Variants in STYXL2 observed in about 807,000 individuals in gnomAD.
The protein encoded by STYXL2 is serine/threonine/tyrosine interacting like 2.
STYXL2 carries 44 observed loss-of-function variants against 52.4 expected under a neutral mutation model. That is an observed-to-expected ratio of 0.84 (90% CI 0.66 to 1.08). The LOEUF is 1.08. STYXL2 is among the 50% of genes least tolerant of loss of function. The pLI, the probability that STYXL2 is intolerant of heterozygous loss-of-function variation, is 0.00. For synonymous variants in STYXL2, 604 were observed against 586.9 expected, an observed-to-expected ratio of 1.03 and a Z score of -0.42; for missense variants, 1,604 against 1,471.7, an observed-to-expected ratio of 1.09 and a Z score of -1.47.
chr1:167,111,505 TATATATATACACAC>T (rs1350703935), intron 2 of STYXL2, among the ~76,000 whole-genome samples: 19 of 49,524 alleles, frequency 3.8e-4, no homozygotes, highest in South Asian at 5.5e-4. Flanking sequence ...TATATATATA[TATATATATACACAC>T]ACACACACAC....
intron 5 of STYXL2, among the ~76,000 whole-genome samples, chr1:167,121,364 G>A (rs1389698232): frequency 1.3e-5 from 2 of 152,228 alleles, no homozygotes; most frequent in African/African-American, 4.8e-5. Flanking sequence ...GGATTGAATG[G>A]GTCTGTCGGT....
At chr1:167,121,425 CA>C (rs769392895) in intron 5 of STYXL2, among the ~76,000 whole-genome samples, 86 of 152,376 alleles carry the variant, frequency 5.6e-4, no homozygotes, top group Non-Finnish European at 1.1e-3. Context: ...TCCTGGAGCG[CA>C]CCGGCAGACC....
At chr1:167,107,040 A>G (rs1667518641) in intron 2 of STYXL2, among the ~76,000 whole-genome samples, 1 of 152,134 alleles carries the variant, frequency 6.6e-6, no homozygotes, top group Non-Finnish European at 1.5e-5. Flanking sequence ...TTTCTGTTTC[A>G]TATGGCATCA....
intron 5 of STYXL2, among the ~76,000 whole-genome samples, chr1:167,120,881 T>G (rs377130415): frequency 0.015 from 1,608 of 109,534 alleles, 86 homozygotes; most frequent in Non-Finnish European, 0.025. Context: ...TATATATATA[T>G]ATATACAGAG....
At position 167,094,863 on chromosome 1, in the gene STYXL2, A is replaced by C. The variant is rs1399063010; in HGVS notation, c.14A>C (p.Lys5Thr). 1.9e-6 allele frequency: 3 copies of C among 1,613,182 alleles called. No individual in the cohort carries two copies. In the Admixed American group the frequency reaches 5.0e-5, roughly 27 times the overall value. Reference protein sequence around the residue: MATRKDTEEEQVVPS... With the variant: MATRTDTEEEQVVPS... ...TGGCAGGTTGTCATGGCGACCAGAA[A>C]GGACACAGAGGAGGAGCAGGTAGTC... Residue 5 changes from lysine to threonine, a missense_variant, in exon 2 of 6, where the codon AAG becomes ACG. Coordinates refer to ENST00000361200, the MANE Select transcript of STYXL2 (RefSeq NM_001080426.3).
chr1:167,126,517 C>T lies in STYXL2; in HGVS notation c.1386C>T (p.His462=), dbSNP rs1318279497. 7 of 1,612,666 alleles carry T rather than the reference C, an allele frequency of 4.3e-6. No individual in the cohort carries two copies. The highest frequency in any genetic ancestry group is 4.2e-6 in the Non-Finnish European group (5 of 1,179,572). ...KQQLELNRPD[H]GRRRRADSMS... Reference sequence around the variant, plus strand: ...AGCTGGAGCTGAACCGCCCGGACCACGGCAGGAGGCGCCGCGCAGACTCGA... The same window carrying T: ...AGCTGGAGCTGAACCGCCCGGACCATGGCAGGAGGCGCCGCGCAGACTCGA... Residue 462 remains histidine (H), a synonymous_variant, in exon 6 of 6, where the codon CAC becomes CAT. Transcript: ENST00000361200.
intron 2 of STYXL2, among the ~76,000 whole-genome samples, chr1:167,109,095 G>T (rs773551450): frequency 3.9e-5 from 6 of 152,182 alleles, no homozygotes; most frequent in African/African-American, 9.7e-5. Flanking sequence ...ATTGGGGAAG[G>T]ACCACAGGGA....
intron 2 of STYXL2, among the ~76,000 whole-genome samples, chr1:167,096,175 T>C (rs1253147661): frequency 1.3e-5 from 2 of 152,090 alleles, no homozygotes; most frequent in African/African-American, 2.4e-5. Context: ...GGAGAATCAC[T>C]TGAACCCGGG....
chr1:167,126,249 G>A lies in STYXL2; in HGVS notation c.1118G>A (p.Arg373His). The A allele has an allele frequency of 1.3e-6, 2 of 1,543,792 alleles. No individual in the cohort carries two copies. Among genetic ancestry groups the A allele is most frequent in the Admixed American group, 2.1e-5 (1 of 47,368 alleles). The change falls in exon 6 of 6, where the codon CGC becomes CAC. Residue 373 changes from arginine (R) to histidine (H), a missense_variant. Transcript: ENST00000361200. ...GTCCCCCAGGATGGAGGTGGCTGGC[G>A]CTCAGCCTCCTCTGGCCAGGGTGGG... ...DKVPQDGGGW[R>H]SASSGQGGEE...
rs1349500857 is a variant in STYXL2, at chr1:167,111,495, TATATATATATATATATATACAC to T, written c.111-2213_111-2192del. 3.0e-3 allele frequency among the ~76,000 whole-genome samples: 149 copies of T among 49,476 alleles called. 3 individuals are homozygous for T. Among genetic ancestry groups the T allele is most frequent in the East Asian group, 0.013 (5 of 382 alleles). 32.5% of individuals were successfully genotyped at this position (49,476 alleles called of 152,430 possible). On this transcript the variant is annotated intron_variant, in intron 2 of 5. Transcript: ENST00000361200. ...ATATATATATATATATATATATATA[TATATATATATATATATATACAC>T]ACACACACACACAAATATATATATA...
intron 2 of STYXL2, 133 bp downstream of exon 2, chr1:167,095,092 T>C (rs1243684269): frequency 1.7e-5 from 11 of 646,866 alleles, no homozygotes; most frequent in Non-Finnish European, 2.7e-5. Flanking sequence ...TGAGTACTTG[T>C]ATGTGTCCTA....
rs267748 is a variant in STYXL2, at chr1:167,128,894, G to A, written c.*286G>A. 302,152 of 388,420 alleles carry A rather than the reference G, an allele frequency of 0.78. 119,597 individuals carry two copies. The highest frequency in any genetic ancestry group is 0.94 in the East Asian group (17,624 of 18,794). 24.1% of individuals were successfully genotyped at this position (388,420 alleles called of 1,614,324 possible). A position where few individuals can be genotyped will look rare whatever the true frequency, so the allele number is the denominator to read the frequency against. ...TTTGGTGTTTCACTTAATGTATTTGGCAGTGTTCATCACAGGCTAGAGAGG... is the reference window on the plus strand; with the variant it reads ...TTTGGTGTTTCACTTAATGTATTTGACAGTGTTCATCACAGGCTAGAGAGG... On this transcript the variant is annotated 3_prime_UTR_variant, in exon 6 of 6. Transcript: ENST00000361200.
chr1:167,121,917 G>A (rs1431085888), intron 5 of STYXL2, among the ~76,000 whole-genome samples: 2 of 152,332 alleles, frequency 1.3e-5, no homozygotes, highest in East Asian at 3.9e-4. Context: ...CTCCACTACA[G>A]AGAGTTCGTG....
Position 167,128,797 on chromosome 1 carries a change from C to A in STYXL2, c.*189C>A. On this transcript the variant is annotated 3_prime_UTR_variant, in exon 6 of 6. Coordinates refer to ENST00000361200, the MANE Select transcript of STYXL2 (RefSeq NM_001080426.3). Reference sequence around the variant, plus strand: ...AGGGAGGAGGCAAGGAGGGGGAGAACCATCAATACGAATACGAGGTCCGAA... The same window carrying A: ...AGGGAGGAGGCAAGGAGGGGGAGAAACATCAATACGAATACGAGGTCCGAA... 1 of 898,718 alleles carries A rather than the reference C, an allele frequency of 1.1e-6. No individual in the cohort carries two copies. Among genetic ancestry groups the A allele is most frequent in the Non-Finnish European group, 1.6e-6 (1 of 621,166 alleles). 55.7% of individuals were successfully genotyped at this position (898,718 alleles called of 1,614,324 possible).
Position 167,127,476 on chromosome 1 carries a change from G to A in STYXL2, c.2345G>A (p.Cys782Tyr). ...CACAGCAGCTCCTCCTTGGGTGGCT[G>A]CCTGTTGCCTCAGAGCCAGGCAAGA... is the stretch of plus-strand genomic sequence containing the variant. Reference protein sequence around the residue: ...SGHSSSSLGGCLLPQSQARPS... With the variant: ...SGHSSSSLGGYLLPQSQARPS... The change falls in exon 6 of 6, where the codon TGC becomes TAC. Residue 782 changes from cysteine (C) to tyrosine (Y), a missense_variant. Transcript: ENST00000361200. The A allele has an allele frequency of 1.2e-6, 2 of 1,614,076 alleles. No homozygotes were observed. Among genetic ancestry groups the A allele is most frequent in the South Asian group, 1.1e-5 (1 of 91,078 alleles).
rs1668021828 is a variant in STYXL2, at chr1:167,128,332, C to G, written c.3201C>G (p.Asp1067Glu). The G allele has an allele frequency of 1.9e-6, 3 of 1,613,920 alleles. No individual in the cohort carries two copies. The highest frequency in any genetic ancestry group is 2.5e-6 in the Non-Finnish European group (3 of 1,179,978). The stretch of plus-strand genomic sequence containing the variant: ...GCCCAAATTGGGCCAGGTCCAGGGA[C>G]TGGGAAGATGTGGAAGAGTCATCCA... Reference protein sequence around the residue: ...PQRPNWARSRDWEDVEESSKS... With the variant: ...PQRPNWARSREWEDVEESSKS... Residue 1067 changes from aspartate to glutamate, a missense_variant, in exon 6 of 6, where the codon GAC becomes GAG. Transcript: ENST00000361200.
chr1:167,119,375 T>G lies in STYXL2; in HGVS notation c.564T>G (p.Gly188=). The G allele has an allele frequency of 6.2e-7, 1 of 1,614,092 alleles. No homozygotes were observed. The part of the protein sequence containing the change: ...FYTGLEIQYL[G]VEVDDFPEVD... ...CTGGCCTGGAGATCCAGTACCTGGG[T>G]GTAGAGGTGGATGACTTTCCTGAGG... is the stretch of plus-strand genomic sequence containing the variant. The change falls in exon 5 of 6, where the codon GGT becomes GGG. Residue 188 remains glycine (G), a synonymous_variant. Coordinates refer to ENST00000361200, the MANE Select transcript of STYXL2 (RefSeq NM_001080426.3).
intron 2 of STYXL2, among the ~76,000 whole-genome samples, chr1:167,097,479 G>T (rs899400403): frequency 1.3e-5 from 2 of 152,110 alleles, no homozygotes; most frequent in Non-Finnish European, 2.9e-5. Context: ...ATCTTGGGAG[G>T]TTATCTGAAA....
chr1:167,104,205 A>G (rs2102226135), intron 2 of STYXL2, among the ~76,000 whole-genome samples: 1 of 149,566 alleles, frequency 6.7e-6, no homozygotes, highest in African/African-American at 2.5e-5. Flanking sequence ...AGCTATTATC[A>G]TCAGTTTTCT....
Sources: allele counts gnomAD v4.1 joint callset (sites outside exome capture counted in the v4.1 genomes callset), GRCh38; gene constraint gnomAD v4.1.1; transcripts MANE v1.5; gene names NCBI Gene and HGNC (gene_info 2026-07-23, HGNC 2026-07-21).